Variants in TMED9 observed in about 807,000 individuals in gnomAD.
TMED9 encodes the protein transmembrane p24 trafficking protein 9.
Under a neutral mutation model 30.6 loss-of-function variants are expected in TMED9, and 22 were observed. The ratio of observed to expected loss-of-function variants is 0.72; its 90% CI spans 0.51 to 1.03. The LOEUF is 1.03. Among genes scored for constraint, TMED9 ranks in the 50% least tolerant of loss-of-function variants. The pLI is 0.00. For missense variants in TMED9, 251 were observed against 302.1 expected, an observed-to-expected ratio of 0.83 and a Z score of 1.25; for synonymous variants, 146 against 122.8, an observed-to-expected ratio of 1.19 and a Z score of -1.25.
intron 2 of TMED9, among the ~76,000 whole-genome samples, chr5:177,592,994 C>T (rs1561809421): frequency 6.6e-6 from 1 of 152,018 alleles, no homozygotes; most frequent in Non-Finnish European, 1.5e-5. Context: ...CAGCTCTCAC[C>T]TTCTGTCACT....
chr5:177,593,857 G>A (rs1328266885), intron 3 of TMED9, 82 bp downstream of exon 3: 1 of 1,569,888 alleles, frequency 6.4e-7, no homozygotes, highest in African/African-American at 1.4e-5. Flanking sequence ...CTGTGGGTGT[G>A]AGAGGATTAT....
Position 177,597,197 on chromosome 5 carries a change from G to A in TMED9, c.*1781G>A, listed in dbSNP as rs1489146984. On this transcript the variant is annotated 3_prime_UTR_variant, in exon 5 of 5. Coordinates refer to ENST00000332598, the MANE Select transcript of TMED9 (RefSeq NM_017510.6). The stretch of plus-strand genomic sequence containing the variant: ...AGGCTGAGGTAGGTGGATGGCCTGA[G>A]GCCAGGAGTTTGAGACCAGCCTGGC... Among the ~76,000 whole-genome samples, 1 of 151,806 alleles carries A rather than the reference G, an allele frequency of 6.6e-6. No individual in the cohort carries two copies. The highest frequency in any genetic ancestry group is 2.4e-5 in the African/African-American group (1 of 41,282).
Position 177,592,629 on chromosome 5 carries a change from C to G in TMED9, c.239C>G (p.Thr80Ser), listed in dbSNP as rs779765297. The change falls in exon 2 of 5, where the codon ACC (threonine) becomes AGC (serine). Residue 80 changes from threonine to serine, a missense_variant. By Grantham distance (58) the Thr-to-Ser change is moderately conservative. This residue lies in a region of TMED9 where 153 missense variants were observed against 239.6 expected (regional missense o/e 0.64). Transcript: ENST00000332598. ...DKQREEYQPATPGLGMFVEVK... is the reference protein window; with the variant it reads ...DKQREEYQPASPGLGMFVEVK... ...CAGCGGGAGGAGTACCAGCCGGCCA[C>G]CCCGGGGCTTGGCATGTTTGTGGAG... is the stretch of plus-strand genomic sequence containing the variant. 6.2e-7 allele frequency: 1 copy of G among 1,613,728 alleles called. No homozygotes were observed. Among genetic ancestry groups the G allele is most frequent in the East Asian group, 2.2e-5 (1 of 44,860 alleles).
At position 177,594,273 on chromosome 5, in the gene TMED9, G is replaced by A; in HGVS notation, c.546G>A (p.Gln182=). ...VEQVEQIQKE[Q]NYQRWREERF... is the part of the protein sequence containing the mutation. ...AAGTGGAGCAGATCCAGAAAGAGCA[G>A]AACTACCAGCGGGTGAGTGACTGGG... The change falls in exon 4 of 5, where the codon CAG becomes CAA. Residue 182 remains glutamine, a synonymous_variant. Coordinates refer to ENST00000332598, the MANE Select transcript of TMED9 (RefSeq NM_017510.6). 1 of 1,614,112 alleles carries A rather than the reference G, an allele frequency of 6.2e-7. No homozygotes were observed. Among genetic ancestry groups the A allele is most frequent in the South Asian group, 1.1e-5 (1 of 91,068 alleles).
In TMED9 at chr5:177,595,620, G is replaced by C; in HGVS notation, c.*204G>C. 2.1e-6 allele frequency: 1 copy of C among 466,374 alleles called. No individual in the cohort carries two copies. The highest frequency in any genetic ancestry group is 3.9e-5 in the Admixed American group (1 of 25,576). 28.9% of individuals were successfully genotyped at this position (466,374 alleles called of 1,614,324 possible). On this transcript the variant is annotated 3_prime_UTR_variant, in exon 5 of 5. Transcript: ENST00000332598. ...GGGCAAATTCCTGCCCTCTCTCTCT[G>C]GCCTCTGGGCCGTTTGGTAGTAATC...
Position 177,596,360 on chromosome 5 carries a change from G to A in TMED9, c.*944G>A, listed in dbSNP as rs1767690713. Among the ~76,000 whole-genome samples the A allele has an allele frequency of 6.6e-6, 1 of 152,240 alleles. No homozygotes were observed. The highest frequency in any genetic ancestry group is 2.4e-5 in the African/African-American group (1 of 41,468). ...CTTTCCTCTGTGCCAGCTCCCTGGT[G>A]AAGTTCCCTCTTTCTAGAGTCAGTA... On this transcript the variant is annotated 3_prime_UTR_variant, in exon 5 of 5. Transcript: ENST00000332598.
chr5:177,595,174 CAAAGCTG>C, intron 4 of TMED9, 86 bp from the exon 5 acceptor site: 1 of 1,405,448 alleles, frequency 7.1e-7, no homozygotes, highest in Non-Finnish European at 9.5e-7. Flanking sequence ...GGAACCTGGG[CAAAGCTG>C]GCTGACCTTG....
Position 177,595,515 on chromosome 5 carries a change from G to T in TMED9, c.*99G>T. On this transcript the variant is annotated 3_prime_UTR_variant, in exon 5 of 5. Transcript: ENST00000332598. ...GGAGGACTGGTTTCCAGCCATACCTGTTCTGGAAGGGAGAGGGGCTGGAGG... is the reference window on the plus strand; with the variant it reads ...GGAGGACTGGTTTCCAGCCATACCTTTTCTGGAAGGGAGAGGGGCTGGAGG... 6.9e-7 allele frequency: 1 copy of T among 1,440,392 alleles called. No homozygotes were observed. The highest frequency in any genetic ancestry group is 9.4e-7 in the Non-Finnish European group (1 of 1,065,004). The allele number at this position is 1,440,392 out of a possible 1,614,324, so 89.2% of individuals were successfully genotyped here. A position where few individuals can be genotyped will look rare whatever the true frequency, so the allele number is the denominator to read the frequency against.
At chr5:177,594,058 G>A in intron 3 of TMED9, 81 bp from the exon 4 acceptor site, 1 of 1,570,344 alleles carries the variant, frequency 6.4e-7, no homozygotes, top group Non-Finnish European at 8.7e-7. Context: ...ATGAAGGAAA[G>A]TCGGGGATGA....
intron 4 of TMED9, among the ~76,000 whole-genome samples, chr5:177,594,932 C>T (rs527897103): frequency 6.6e-6 from 1 of 152,174 alleles, no homozygotes. Flanking sequence ...CTTCAAGGAG[C>T]AGTGTGGGAG....
rs1767634098 is a variant in TMED9 at position 177,593,688 on chromosome 5, C to T, written c.324C>T (p.Phe108=). The T allele has an allele frequency of 1.2e-6, 2 of 1,614,210 alleles. No individual in the cohort carries two copies. Among genetic ancestry groups the T allele is most frequent in the Non-Finnish European group, 1.7e-6 (2 of 1,180,046 alleles). ...GGCAGTATGGCTCCGAGGGCAGGTTCACTTTCACTTCCCATACCCCTGGTG... is the reference window on the plus strand; with the variant it reads ...GGCAGTATGGCTCCGAGGGCAGGTTTACTTTCACTTCCCATACCCCTGGTG... The part of the protein sequence containing the change: ...LARQYGSEGR[F]TFTSHTPGEH... The change falls in exon 3 of 5, where the codon TTC becomes TTT. Residue 108 remains phenylalanine, a synonymous_variant. Transcript: ENST00000332598.
Position 177,596,152 on chromosome 5 carries a change from C to T in TMED9, c.*736C>T, listed in dbSNP as rs1581986383. 1.3e-5 allele frequency: 2 copies of T among 152,724 alleles called. No homozygotes were observed. The highest frequency in any genetic ancestry group is 1.9e-4 in the East Asian group (1 of 5,182). 9.5% of individuals were successfully genotyped at this position (152,724 alleles called of 1,614,324 possible). On this transcript the variant is annotated 3_prime_UTR_variant, in exon 5 of 5. Coordinates refer to ENST00000332598, the MANE Select transcript of TMED9 (RefSeq NM_017510.6). Reference sequence around the variant, plus strand: ...AGTGACTCAGTCATCAGTGGGCACACACTGCAGGGTGCCTCAGGGAATGCC... The same window carrying T: ...AGTGACTCAGTCATCAGTGGGCACATACTGCAGGGTGCCTCAGGGAATGCC...
chr5:177,595,482 T>C lies in TMED9; in HGVS notation c.*66T>C. On this transcript the variant is annotated 3_prime_UTR_variant, in exon 5 of 5. Coordinates refer to ENST00000332598, the MANE Select transcript of TMED9 (RefSeq NM_017510.6). ...GAAAGGACCTCCTGGAACTGACTTC[T>C]TCTGTCAGGAGGACTGGTTTCCAGC... The C allele has an allele frequency of 6.5e-7, 1 of 1,529,960 alleles. No individual in the cohort carries two copies. The highest frequency in any genetic ancestry group is 8.9e-7 in the Non-Finnish European group (1 of 1,127,976). The allele number at this position is 1,529,960 out of a possible 1,614,324, so 94.8% of individuals were successfully genotyped here. A position where few individuals can be genotyped will look rare whatever the true frequency, so the allele number is the denominator to read the frequency against.
In TMED9 at chr5:177,593,652, C is replaced by T. The variant is rs1385110610; in HGVS notation, c.288C>T (p.Val96=). 1.9e-6 allele frequency: 3 copies of T among 1,614,064 alleles called. No homozygotes were observed. Among genetic ancestry groups the T allele is most frequent in the Non-Finnish European group, 2.5e-6 (3 of 1,180,008 alleles). ...FVEVKDPEDK[V]ILARQYGSEG... ...TGAAGCTTGTTACCTTCCTCCAGGT[C>T]ATCCTGGCCCGGCAGTATGGCTCCG... Residue 96 remains valine, a splice_region_variant and synonymous_variant, in exon 3 of 5, where the codon GTC becomes GTT. Coordinates refer to ENST00000332598, the MANE Select transcript of TMED9 (RefSeq NM_017510.6).
intron 2 of TMED9, 172 bp from the exon 3 acceptor site, chr5:177,593,478 G>A (rs1290813764): frequency 2.4e-5 from 19 of 776,504 alleles, no homozygotes; most frequent in Non-Finnish European, 3.1e-5. Context: ...GCCCCAGAGA[G>A]TTCTCACACA....
Position 177,595,499 on chromosome 5 carries a change from G to A in TMED9, c.*83G>A. 2 of 1,496,318 alleles carry A rather than the reference G, an allele frequency of 1.3e-6. No homozygotes were observed. The highest frequency in any genetic ancestry group is 2.8e-5 in the African/African-American group (2 of 72,018). 92.7% of individuals were successfully genotyped at this position (1,496,318 alleles called of 1,614,324 possible). A position where few individuals can be genotyped will look rare whatever the true frequency, so the allele number is the denominator to read the frequency against. On this transcript the variant is annotated 3_prime_UTR_variant, in exon 5 of 5. Coordinates refer to ENST00000332598, the MANE Select transcript of TMED9 (RefSeq NM_017510.6). ...CTGACTTCTTCTGTCAGGAGGACTG[G>A]TTTCCAGCCATACCTGTTCTGGAAG...
At chr5:177,593,959 C>G in intron 3 of TMED9, 180 bp from the exon 4 acceptor site, 2 of 1,180,612 alleles carry the variant, frequency 1.7e-6, no homozygotes, top group Admixed American at 4.6e-5. Flanking sequence ...ACTCAGAGCA[C>G]CAGCCCAGGC....
Position 177,593,661 on chromosome 5 carries a change from C to T in TMED9, c.297C>T (p.Ala99=). The T allele has an allele frequency of 1.2e-6, 2 of 1,614,168 alleles. No individual in the cohort carries two copies. The highest frequency in any genetic ancestry group is 1.7e-6 in the Non-Finnish European group (2 of 1,180,006). ...VKDPEDKVIL[A]RQYGSEGRFT... is the part of the protein sequence containing the mutation. ...TTACCTTCCTCCAGGTCATCCTGGC[C>T]CGGCAGTATGGCTCCGAGGGCAGGT... The change falls in exon 3 of 5, where the codon GCC becomes GCT. Residue 99 remains alanine (A), a synonymous_variant. Transcript: ENST00000332598.
rs1361329125 is a variant in TMED9 at position 177,593,790 on chromosome 5, G to C, written c.411+15G>C. 1 of 1,613,990 alleles carries C rather than the reference G, an allele frequency of 6.2e-7. No homozygotes were observed. Among genetic ancestry groups the C allele is most frequent in the Admixed American group, 1.7e-5 (1 of 60,020 alleles). On this transcript the variant is annotated intron_variant, in intron 3 of 4. Transcript: ENST00000332598. ...GAGGCATGCTGGTAAGTGGGCCCATGTGAGACTTGCAGGTTTCAGCCTTCA... is the reference window on the plus strand; with the variant it reads ...GAGGCATGCTGGTAAGTGGGCCCATCTGAGACTTGCAGGTTTCAGCCTTCA...
Sources: allele counts gnomAD v4.1 joint callset (sites outside exome capture counted in the v4.1 genomes callset), GRCh38; gene constraint gnomAD v4.1.1; regional missense constraint gnomAD v4.1.1; transcripts MANE v1.5; gene names NCBI Gene and HGNC (gene_info 2026-07-23, HGNC 2026-07-21).